Variants in PPP2R3C observed in about 807,000 individuals in gnomAD.
PPP2R3C encodes the protein protein phosphatase 2 regulatory subunit B''gamma, also known as serine/threonine-protein phosphatase 2A regulatory subunit B'' subunit gamma.
PPP2R3C carries 47 observed loss-of-function variants against 63.7 expected under a neutral mutation model. The observed-to-expected ratio is 0.74, with a 90% CI of 0.58 to 0.94. The LOEUF (loss-of-function observed/expected upper bound fraction) is 0.94, where lower values mean the gene tolerates loss of function less well. Ranked by LOEUF, PPP2R3C falls within the 40% of genes least tolerant of loss-of-function variation. The pLI, the probability that PPP2R3C is intolerant of heterozygous loss-of-function variation, is 0.00. For missense variants in PPP2R3C, 421 were observed against 518.4 expected, an observed-to-expected ratio of 0.81 and a Z score of 1.82; for synonymous variants, 180 against 177.4, an observed-to-expected ratio of 1.01 and a Z score of -0.12.
chr14:35,099,449 T>C, intron 6 of PPP2R3C, 65 bp from the exon 7 acceptor site: 1 of 1,511,410 alleles, frequency 6.6e-7, no homozygotes. Context: ...TAGAATTTCA[T>C]TACTAAAAAT....
Position 35,098,179 on chromosome 14 carries a change from ATT to A in PPP2R3C, c.706+1071_706+1072del, listed in dbSNP as rs552604039. Among the ~76,000 whole-genome samples, 45 of 133,370 alleles carry A rather than the reference ATT, an allele frequency of 3.4e-4. 1 individual carries two copies. The highest frequency in any genetic ancestry group is 4.5e-4 in the Non-Finnish European group (28 of 61,906). The allele number at this position is 133,370 out of a possible 152,430, so 87.5% of individuals were successfully genotyped here. Reference sequence around the variant, plus strand: ...ATGCTGTGATTGGATTCATAACTGGATTTTTTTTTTTTTTTTTTGGACACAAG... The same window carrying A: ...ATGCTGTGATTGGATTCATAACTGGATTTTTTTTTTTTTTTTGGACACAAG... On this transcript the variant is annotated intron_variant, in intron 7 of 12. Transcript: ENST00000261475.
At chr14:35,110,762 C>A (rs76932844) in intron 2 of PPP2R3C, 133 bp from the exon 3 acceptor site, 5 of 609,816 alleles carry the variant, frequency 8.2e-6, no homozygotes, top group Middle Eastern at 3.4e-4. Context: ...TTGTGCTTAA[C>A]ATTTGTTTAA....
intron 7 of PPP2R3C, chr14:35,099,027 C>T (rs2046100049): frequency 4.6e-6 from 2 of 435,228 alleles, no homozygotes; most frequent in Non-Finnish European, 7.5e-6. Context: ...ATCTGTCACA[C>T]AGCAGGTTAT....
intron 2 of PPP2R3C, among the ~76,000 whole-genome samples, chr14:35,113,890 A>T (rs960228562): frequency 6.6e-6 from 1 of 151,506 alleles, no homozygotes; most frequent in Non-Finnish European, 1.5e-5. Flanking sequence ...TCAATTCCTG[A>T]TTTTTTTTTA....
chr14:35,118,328 A>C (rs896874411), intron 1 of PPP2R3C, among the ~76,000 whole-genome samples: 3 of 152,226 alleles, frequency 2.0e-5, no homozygotes, highest in Admixed American at 6.5e-5. Context: ...AAAACTGATG[A>C]TACAGGAGAA....
intron 1 of PPP2R3C, among the ~76,000 whole-genome samples, chr14:35,117,727 T>C (rs952412105): frequency 3.3e-5 from 5 of 151,888 alleles, no homozygotes; most frequent in African/African-American, 1.2e-4. Context: ...GGAGCTTCAC[T>C]CTTGTTGCCC....
At chr14:35,109,676 A>G in intron 4 of PPP2R3C, 143 bp downstream of exon 4, 1 of 596,836 alleles carries the variant, frequency 1.7e-6, no homozygotes, top group Non-Finnish European at 2.7e-6. Flanking sequence ...GGCTGGCCTC[A>G]AACACCCCAG....
intron 11 of PPP2R3C, among the ~76,000 whole-genome samples, chr14:35,090,755 G>A (rs1250074353): frequency 5.6e-5 from 7 of 125,512 alleles, no homozygotes; most frequent in South Asian, 2.4e-4. Flanking sequence ...TCGCTCTGTC[G>A]CCCAGGCTGG....
Position 35,107,322 on chromosome 14 carries a change from C to A in PPP2R3C, c.555G>T (p.Gln185His). The change falls in exon 6 of 13, where the codon CAG becomes CAT. Residue 185 changes from glutamine (Q) to histidine (H), a missense_variant. By Grantham distance (24) the Gln-to-His change is conservative. This residue lies in a region of PPP2R3C where 47 missense variants were observed against 102.3 expected (regional missense o/e 0.46). Coordinates refer to ENST00000261475, the MANE Select transcript of PPP2R3C (RefSeq NM_017917.4). ...IGLSLYDVAG[Q>H]GYLRESDLEN... ...CACTTACAGATTCCCGAAGGTACCC[C>A]TGCCCAGCGACATCATATAAACTGA... The A allele has an allele frequency of 6.2e-7, 1 of 1,607,468 alleles. No individual in the cohort carries two copies. The highest frequency in any genetic ancestry group is 8.5e-7 in the Non-Finnish European group (1 of 1,173,946).
At chr14:35,106,673 T>C (rs2046371310) in intron 6 of PPP2R3C, among the ~76,000 whole-genome samples, 2 of 148,884 alleles carry the variant, frequency 1.3e-5, no homozygotes, top group Non-Finnish European at 3.0e-5. Flanking sequence ...ATTTTTTTTT[T>C]TTTTTTTTTT....
chr14:35,088,534 T>G (rs1336714535), intron 11 of PPP2R3C, among the ~76,000 whole-genome samples: 3 of 152,212 alleles, frequency 2.0e-5, no homozygotes, highest in Non-Finnish European at 4.4e-5. Context: ...TGTCATCCAG[T>G]AGGAATACAA....
At chr14:35,106,307 C>T (rs17103044) in intron 6 of PPP2R3C, 16,080 of 152,246 alleles carry the variant, frequency 0.11, 1,073 homozygotes, top group African/African-American at 0.19. Context: ...TAAGGGGCAT[C>T]CTTGCAGTTT....
rs888622914 is a variant in PPP2R3C at position 35,099,484 on chromosome 14, TAAAG to T, written c.574-104_574-101del. On this transcript the variant is annotated intron_variant, in intron 6 of 12. Transcript: ENST00000261475. ...TTATTCAGCATTAATACTATATTGA[TAAAG>T]AAATAAATGCATGACTATTTTAGTG... 5.5e-5 allele frequency: 72 copies of T among 1,318,396 alleles called. No individual in the cohort carries two copies. In the African/African-American group the frequency reaches 8.7e-4, roughly 16 times the overall value. The allele number at this position is 1,318,396 out of a possible 1,614,324, so 81.7% of individuals were successfully genotyped here.
At chr14:35,113,472 A>G (rs139456470) in intron 2 of PPP2R3C, among the ~76,000 whole-genome samples, 1 of 152,260 alleles carries the variant, frequency 6.6e-6, no homozygotes, top group African/African-American at 2.4e-5. Flanking sequence ...CGGAAGTACA[A>G]GAAAGTTCAG....
At position 35,121,884 on chromosome 14, in the gene PPP2R3C, G is replaced by T; in HGVS notation, c.58+18C>A. The T allele has an allele frequency of 6.2e-7, 1 of 1,613,970 alleles. No individual in the cohort carries two copies. Among genetic ancestry groups the T allele is most frequent in the Non-Finnish European group, 8.5e-7 (1 of 1,179,860 alleles). On this transcript the variant is annotated intron_variant, in intron 1 of 12. Transcript: ENST00000261475. Reference sequence around the variant, plus strand: ...TAGGGCCGGGCCATCCCAACGGGCTGCCCCTCCCAAAACTCACTGTTTGGA... The same window carrying T: ...TAGGGCCGGGCCATCCCAACGGGCTTCCCCTCCCAAAACTCACTGTTTGGA...
chr14:35,118,386 C>T (rs949632321), intron 1 of PPP2R3C, among the ~76,000 whole-genome samples: 1 of 152,128 alleles, frequency 6.6e-6, no homozygotes, highest in African/African-American at 2.4e-5. Flanking sequence ...ATGGAATCTA[C>T]TACAAAGGAT....
chr14:35,101,871 G>A (rs370168743), intron 6 of PPP2R3C: 2 of 152,154 alleles, frequency 1.3e-5, no homozygotes, highest in African/African-American at 4.8e-5. Context: ...CCCCCAGTTT[G>A]TTGTTTTCTT....
chr14:35,094,494 A>C (rs556895363), intron 10 of PPP2R3C, among the ~76,000 whole-genome samples: 203 of 152,124 alleles, frequency 1.3e-3, no homozygotes, highest in Non-Finnish European at 2.0e-3. Context: ...AAAAAAAAAA[A>C]AACTAGAATG....
intron 4 of PPP2R3C, 133 bp downstream of exon 4, chr14:35,109,686 G>A: frequency 1.5e-6 from 1 of 658,650 alleles, no homozygotes; most frequent in Non-Finnish European, 2.4e-6. Context: ...AAACACCCCA[G>A]CTCAAGCAAT....
Sources: allele counts gnomAD v4.1 joint callset (sites outside exome capture counted in the v4.1 genomes callset), GRCh38; gene constraint gnomAD v4.1.1; regional missense constraint gnomAD v4.1.1; transcripts MANE v1.5; gene names NCBI Gene and HGNC (gene_info 2026-07-23, HGNC 2026-07-21).